BRD4: variants seen among roughly 807,000 people sequenced by gnomAD.
BRD4 encodes the protein bromodomain containing 4.
A neutral mutation model predicts 142.1 loss-of-function variants in BRD4; 16 were observed. The observed-to-expected ratio is 0.11, with a 90% CI of 0.08 to 0.17. BRD4 has a LOEUF of 0.17. Among genes scored for constraint, BRD4 ranks in the 10% least tolerant of loss-of-function variants. The pLI is 1.00. For missense variants in BRD4, 1,424 were observed against 1,810.9 expected (o/e 0.79, Z 3.88); for synonymous variants, 833 against 707.5 (o/e 1.18, Z -2.82).
chr19:15,273,543 C>T (rs1461723502), intron 1 of BRD4, among the ~76,000 whole-genome samples: 7 of 152,218 alleles, frequency 4.6e-5, no homozygotes. Context: ...CCACATATGA[C>T]ATTTACATTA....
rs558294908 is a variant in BRD4 at position 15,317,571 on chromosome 19, T to C, written c.-35+14719A>G. Among the ~76,000 whole-genome samples the C allele has an allele frequency of 1.8e-4, 27 of 151,758 alleles. 1 individual carries two copies. The East Asian group carries it at 4.9e-3, about 27-fold the overall frequency. The stretch of plus-strand genomic sequence containing the variant: ...CTGAACTTTTCAGAGTCAACAAAGA[T>C]AAGGACTGCTTTAAGGTGAACAATG... On this transcript the variant is annotated intron_variant, in intron 1 of 19. Coordinates refer to ENST00000679869, the MANE Select transcript of BRD4 (RefSeq NM_001379291.1).
intron 1 of BRD4, among the ~76,000 whole-genome samples, chr19:15,329,091 T>C (rs896583974): frequency 5.3e-5 from 8 of 152,012 alleles, no homozygotes; most frequent in Admixed American, 3.9e-4. Context: ...TTTTTTTTTT[T>C]TTAAGTTAAC....
chr19:15,255,675 G>A lies in BRD4; in HGVS notation c.1752-83C>T. On this transcript the variant is annotated intron_variant, in intron 9 of 19. Transcript: ENST00000679869. ...TCATTCCTCCACATGTATGTTGGGG[G>A]GAAGGGGTGCCCTTCCCATACCCCC... The A allele has an allele frequency of 7.4e-6, 11 of 1,490,276 alleles. No individual in the cohort carries two copies. The South Asian group carries it at 1.3e-4, about 18-fold the overall frequency. The allele number at this position is 1,490,276 out of a possible 1,614,324, so 92.3% of individuals were successfully genotyped here. A position where few individuals can be genotyped will look rare whatever the true frequency, so the allele number is the denominator to read the frequency against.
intron 11 of BRD4, among the ~76,000 whole-genome samples, chr19:15,250,657 G>A (rs1212364300): frequency 6.6e-6 from 1 of 152,180 alleles, no homozygotes; most frequent in Admixed American, 6.5e-5. Context: ...CCCAGCCCAG[G>A]TAGCTGAGGT....
chr19:15,330,186 A>T (rs980023679), intron 1 of BRD4, among the ~76,000 whole-genome samples: 6 of 152,232 alleles, frequency 3.9e-5, no homozygotes, highest in Admixed American at 3.9e-4. Flanking sequence ...CTTCCAATTA[A>T]GACCAACTAA....
chr19:15,298,219 G>A (rs563386923), intron 1 of BRD4, among the ~76,000 whole-genome samples: 3 of 152,240 alleles, frequency 2.0e-5, no homozygotes, highest in Non-Finnish European at 2.9e-5. Context: ...AACACTTAGC[G>A]TAAGCACTGA....
At chr19:15,253,695 GCGAAGCATCTC>G in intron 11 of BRD4, 1 of 1,598,458 alleles carries the variant, frequency 6.3e-7, no homozygotes, top group South Asian at 1.1e-5. Context: ...CCAGAAACCA[GCGAAGCATCTC>G]CCTGAAGCGG....
chr19:15,258,270 A>G (rs556169747), intron 7 of BRD4, among the ~76,000 whole-genome samples: 15 of 151,320 alleles, frequency 9.9e-5, no homozygotes, highest in Admixed American at 4.6e-4. Flanking sequence ...CATCCCATAT[A>G]ACTGTGGTGT....
intron 1 of BRD4, among the ~76,000 whole-genome samples, chr19:15,290,412 T>A (rs2047773243): frequency 6.6e-6 from 1 of 152,216 alleles, no homozygotes; most frequent in African/African-American, 2.4e-5. Flanking sequence ...TGGCGTTCAC[T>A]GGTTGCCATA....
rs188652815 is a variant in BRD4 at position 15,276,103 on chromosome 19, C to T, written c.-34-2970G>A. 3.6e-3 allele frequency among the ~76,000 whole-genome samples: 543 copies of T among 152,334 alleles called. 10 individuals carry two copies. The highest frequency in any genetic ancestry group is 9.6e-4 in the Non-Finnish European group (65 of 68,032). ...CCACTCTGGGCCTGTGCAGCACCTG[C>T]ACCTCAAGGGACCACACTGACCTAC... On this transcript the variant is annotated intron_variant, in intron 1 of 19. Transcript: ENST00000679869.
chr19:15,266,611 C>T (rs2047536708), intron 4 of BRD4, among the ~76,000 whole-genome samples: 1 of 152,184 alleles, frequency 6.6e-6, no homozygotes, highest in Non-Finnish European at 1.5e-5. Flanking sequence ...CTGATAGGTA[C>T]AAGAGCCACA....
Position 15,238,352 on chromosome 19 carries a change from A to G in BRD4, c.*25T>C, listed in dbSNP as rs530582261. The G allele has an allele frequency of 3.7e-6, 6 of 1,613,730 alleles. No individual in the cohort carries two copies. The highest frequency in any genetic ancestry group is 5.1e-6 in the Non-Finnish European group (6 of 1,179,794). On this transcript the variant is annotated 3_prime_UTR_variant, in exon 20 of 20. Coordinates refer to ENST00000679869, the MANE Select transcript of BRD4 (RefSeq NM_001379291.1). This position sits in a 1 kb window ranked among gnomAD's most constrained non-coding sequence, Gnocchi z 7.2. ...AAAGTCAATGTTTTGCCAGAAAATC[A>G]AAGTCAGAAGCCACCTAGGTGCGCT... is the stretch of plus-strand genomic sequence containing the variant.
At chr19:15,298,397 G>A (rs1218806653) in intron 1 of BRD4, among the ~76,000 whole-genome samples, 3 of 152,092 alleles carry the variant, frequency 2.0e-5, no homozygotes, top group Non-Finnish European at 4.4e-5. Context: ...CAGCACTTTG[G>A]GAGGCTGAGG....
intron 1 of BRD4, among the ~76,000 whole-genome samples, chr19:15,291,949 G>A (rs1320080527): frequency 6.6e-6 from 1 of 152,180 alleles, no homozygotes; most frequent in East Asian, 1.9e-4. Context: ...GGCAGGTTAT[G>A]ATGTCAGCAA....
rs867610212 is a variant in BRD4, at chr19:15,257,244, T to C, written c.1342-71A>G. ...CGCGGCCTAGCATCACCTGCCCTCATTGGCTGCTGGGGCCAACTCAACAGA... is the reference window on the plus strand; with the variant it reads ...CGCGGCCTAGCATCACCTGCCCTCACTGGCTGCTGGGGCCAACTCAACAGA... On this transcript the variant is annotated intron_variant, in intron 7 of 19. Transcript: ENST00000679869. The C allele has an allele frequency of 1.1e-5, 16 of 1,419,358 alleles. No homozygotes were observed. The Middle Eastern group carries it at 7.6e-4, about 68-fold the overall frequency. The allele number at this position is 1,419,358 out of a possible 1,614,324, so 87.9% of individuals were successfully genotyped here. A position where few individuals can be genotyped will look rare whatever the true frequency, so the allele number is the denominator to read the frequency against.
At chr19:15,307,341 T>A (rs1568406351) in intron 1 of BRD4, among the ~76,000 whole-genome samples, 1 of 152,136 alleles carries the variant, frequency 6.6e-6, no homozygotes, top group Non-Finnish European at 1.5e-5. Flanking sequence ...GATGGAGTGC[T>A]TCTGCTACCC....
intron 7 of BRD4, among the ~76,000 whole-genome samples, chr19:15,258,015 G>A (rs2047431413): frequency 6.6e-6 from 1 of 152,166 alleles, no homozygotes; most frequent in Admixed American, 6.5e-5. Context: ...GCCCTACCCC[G>A]GGGGCGCTGT....
At chr19:15,249,806 G>A (rs933461323) in intron 11 of BRD4, among the ~76,000 whole-genome samples, 22 of 152,228 alleles carry the variant, frequency 1.4e-4, no homozygotes, top group African/African-American at 5.1e-4. Context: ...GGAGGTACCA[G>A]AATGCAGGAC....
intron 1 of BRD4, among the ~76,000 whole-genome samples, chr19:15,279,097 G>A (rs944375011): frequency 2.0e-5 from 3 of 151,968 alleles, no homozygotes; most frequent in African/African-American, 7.3e-5. Context: ...CACTTCGGCC[G>A]CCCAAAGTGC....
Sources: allele counts gnomAD v4.1 joint callset (sites outside exome capture counted in the v4.1 genomes callset), GRCh38; gene constraint gnomAD v4.1.1; non-coding constraint Gnocchi (gnomAD v3.1); transcripts MANE v1.5; gene names NCBI Gene and HGNC (gene_info 2026-07-23, HGNC 2026-07-21).